The following ARSG variants were observed in gnomAD, a reference collection of about 807,000 sequenced individuals.
The protein encoded by ARSG is ASG.
A neutral mutation model predicts 50.5 loss-of-function variants in ARSG; 37 were observed. The ratio of observed to expected loss-of-function variants is 0.73; its 90% CI spans 0.56 to 0.96. The LOEUF is 0.96. ARSG is among the 50% of genes least tolerant of loss of function. The pLI is 0.00. For missense variants in ARSG, 629 were observed against 675.3 expected (o/e 0.93, Z 0.76); for synonymous variants, 225 against 254.6 (o/e 0.88, Z 1.11).
chr17:68,277,051 C>T (rs1476919638), intron 1 of ARSG, among the ~76,000 whole-genome samples: 1 of 152,196 alleles, frequency 6.6e-6, no homozygotes, highest in Non-Finnish European at 1.5e-5. Context: ...TCTCCTTGTA[C>T]ACATCTCATT....
rs1456632748 is a variant in ARSG, at chr17:68,343,766, G to A, written c.381G>A (p.Gln127=). 6.2e-7 allele frequency: 1 copy of A among 1,613,856 alleles called. No homozygotes were observed. Among genetic ancestry groups the A allele is most frequent in the East Asian group, 2.2e-5 (1 of 44,862 alleles). ...CCACCTTGGCAGAGGTGCTGCAGCA[G>A]GCGGGTTACGTCACTGGGATAATAG... The part of the protein sequence containing the change: ...NETTLAEVLQ[Q]AGYVTGIIGK... Residue 127 remains glutamine, a synonymous_variant, in exon 3 of 12, where the codon CAG becomes CAA. Coordinates refer to ENST00000621439, the MANE Select transcript of ARSG (RefSeq NM_001267727.2).
At chr17:68,351,426 G>A (rs146368162) in intron 4 of ARSG, 149 bp from the exon 5 acceptor site, 28 of 564,748 alleles carry the variant, frequency 5.0e-5, no homozygotes, top group Middle Eastern at 5.8e-4. Flanking sequence ...ATACTACAAA[G>A]GGATATTAAT....
At chr17:68,322,637 A>AAT (rs1491015465) in intron 2 of ARSG, among the ~76,000 whole-genome samples, 22 of 141,684 alleles carry the variant, frequency 1.6e-4, no homozygotes, top group Non-Finnish European at 1.4e-4. Flanking sequence ...ATAAAAAAAA[A>AAT]TTAAAAAAAA....
intron 8 of ARSG, among the ~76,000 whole-genome samples, chr17:68,377,050 C>G (rs993371118): frequency 2.0e-5 from 3 of 152,110 alleles, no homozygotes; most frequent in Non-Finnish European, 4.4e-5. Context: ...TTAGTAGAGA[C>G]GGGGTTTCAC....
chr17:68,439,665 G>A, the ARSG span, among the ~76,000 whole-genome samples: 1 of 152,182 alleles, frequency 6.6e-6, no homozygotes, highest in South Asian at 2.1e-4. Flanking sequence ...TTTATTTTAA[G>A]GCATGTTTCA....
chr17:68,366,757 A>G (rs531507914), intron 6 of ARSG, among the ~76,000 whole-genome samples: 1 of 151,968 alleles, frequency 6.6e-6, no homozygotes, highest in South Asian at 2.1e-4. Context: ...ATAAAATGTT[A>G]CCATCTTAAC....
intron 6 of ARSG, among the ~76,000 whole-genome samples, chr17:68,361,743 C>T (rs1476870921): frequency 1.3e-5 from 2 of 151,934 alleles, no homozygotes; most frequent in African/African-American, 2.4e-5. Flanking sequence ...ATGGTGAAAC[C>T]CCATCTCTAT....
chr17:68,350,554 G>C (rs2078709690), intron 4 of ARSG, among the ~76,000 whole-genome samples: 1 of 152,122 alleles, frequency 6.6e-6, no homozygotes, highest in Non-Finnish European at 1.5e-5. Context: ...GGGAGGCTGA[G>C]GTGGGTGTAT....
At chr17:68,341,008 T>C (rs1719638809) in intron 2 of ARSG, among the ~76,000 whole-genome samples, 1 of 152,236 alleles carries the variant, frequency 6.6e-6, no homozygotes. Flanking sequence ...TAATTACTTG[T>C]TTGCTTTACT....
At chr17:68,386,540 G>A (rs1348539984) in intron 9 of ARSG, among the ~76,000 whole-genome samples, 1 of 152,148 alleles carries the variant, frequency 6.6e-6, no homozygotes, top group African/African-American at 2.4e-5. Context: ...AGAAATTCCG[G>A]GTCAGCCCTG....
At chr17:68,340,641 A>G (rs1481384001) in intron 2 of ARSG, among the ~76,000 whole-genome samples, 1 of 152,130 alleles carries the variant, frequency 6.6e-6, no homozygotes, top group Non-Finnish European at 1.5e-5. Flanking sequence ...AGCCCCTCGA[A>G]GTTGACTCTT....
At chr17:68,266,206 A>C (rs2075155771) in intron 1 of ARSG, among the ~76,000 whole-genome samples, 1 of 151,988 alleles carries the variant, frequency 6.6e-6, no homozygotes, top group South Asian at 2.1e-4. Context: ...TTAGATGAAA[A>C]TATGCTTCTT....
At chr17:68,336,186 A>G (rs2078010445) in intron 2 of ARSG, among the ~76,000 whole-genome samples, 1 of 151,136 alleles carries the variant, frequency 6.6e-6, no homozygotes, top group African/African-American at 2.4e-5. Flanking sequence ...GGTGTCAGCC[A>G]CCGTGCCTGG....
intron 6 of ARSG, among the ~76,000 whole-genome samples, chr17:68,361,006 G>A (rs1196227809): frequency 6.6e-6 from 1 of 152,084 alleles, no homozygotes; most frequent in Non-Finnish European, 1.5e-5. Context: ...TGTATTTTTA[G>A]TAGAGACGGC....
downstream of ARSG, among the ~76,000 whole-genome samples, chr17:68,423,333 C>T (rs1263358795): frequency 6.6e-6 from 1 of 152,220 alleles, no homozygotes; most frequent in African/African-American, 2.4e-5. This position sits in a 1 kb window ranked among gnomAD's most constrained non-coding sequence, Gnocchi z 4.4. Flanking sequence ...CAGGAGCATG[C>T]ATGCCTCTGG....
chr17:68,337,444 C>T (rs556835333), intron 2 of ARSG, among the ~76,000 whole-genome samples: 94 of 151,820 alleles, frequency 6.2e-4, no homozygotes, highest in African/African-American at 2.2e-3. Context: ...GAAGACAGGC[C>T]CACAGTGGAG....
At chr17:68,293,020 CATTAGCTCT>C in intron 1 of ARSG, among the ~76,000 whole-genome samples, 1 of 152,318 alleles carries the variant, frequency 6.6e-6, no homozygotes, top group East Asian at 1.9e-4. Context: ...CCTCAGTACC[CATTAGCTCT>C]TGCTGCTGTT....
chr17:68,319,627 TC>T (rs2077200800), intron 2 of ARSG, among the ~76,000 whole-genome samples: 1 of 152,184 alleles, frequency 6.6e-6, no homozygotes, highest in Non-Finnish European at 1.5e-5. Context: ...TATTAATAGT[TC>T]CTCTTTTAAG....
At chr17:68,437,036 G>GTA in the ARSG span, among the ~76,000 whole-genome samples, 2 of 118,796 alleles carry the variant, frequency 1.7e-5, no homozygotes, top group African/African-American at 6.7e-5. Flanking sequence ...GTGTGTGTGT[G>GTA]TATATATTGC....
Sources: gnomAD v4.1 joint callset for allele counts (sites outside exome capture counted in the v4.1 genomes callset) on GRCh38, gnomAD v4.1.1 for gene constraint, Gnocchi (gnomAD v3.1) non-coding constraint, MANE v1.5 for transcripts, NCBI Gene and HGNC (gene_info 2026-07-23, HGNC 2026-07-21) for gene names.